The following PPM1H variants were observed in gnomAD, a reference collection of about 807,000 sequenced individuals.
PPM1H encodes the protein protein phosphatase 1H.
Under a neutral mutation model 54.9 loss-of-function variants are expected in PPM1H, and 27 were observed. The observed-to-expected ratio is 0.49, with a 90% CI of 0.36 to 0.68. The LOEUF is 0.68. Ranked by LOEUF, PPM1H falls within the 30% of genes least tolerant of loss-of-function variation. The pLI, the probability that PPM1H is intolerant of heterozygous loss-of-function variation, is 0.00. For missense variants in PPM1H, 596 were observed against 667.8 expected, an observed-to-expected ratio of 0.89 and a Z score of 1.19; for synonymous variants, 305 against 270.8, an observed-to-expected ratio of 1.13 and a Z score of -1.24.
At position 62,832,146 on chromosome 12, in the gene PPM1H, T is replaced by TGGGAAGGGAGGACCGTCTATG. The variant is rs750897677; in HGVS notation, c.378_379insCATAGACGGTCCTCCCTTCCC (p.Pro126_Asn127insHisArgArgSerSerLeuPro). ...TCCTTCAGCTGCAGCCCTTCCCCATTGGGAAGGGAGGACCGTCTCTTGGAT... is the reference window on the plus strand; with the variant it reads ...TCCTTCAGCTGCAGCCCTTCCCCATTGGGAAGGGAGGACCGTCTATGGGGAAGGGAGGACCGTCTCTTGGAT... On this transcript the variant is annotated inframe_insertion, in exon 2 of 10. Coordinates refer to ENST00000228705, the MANE Select transcript of PPM1H (RefSeq NM_020700.2). 9 of 1,613,460 alleles carry TGGGAAGGGAGGACCGTCTATG rather than the reference T, an allele frequency of 5.6e-6. No homozygotes were observed. The highest frequency in any genetic ancestry group is 7.6e-6 in the Non-Finnish European group (9 of 1,179,580).
chr12:62,852,228 CAAAAA>C lies in PPM1H; in HGVS notation c.246-19954_246-19950del, dbSNP rs59673617. Among the ~76,000 whole-genome samples, 94 of 60,404 alleles carry C rather than the reference CAAAAA, an allele frequency of 1.6e-3. 1 individual carries two copies. The highest frequency in any genetic ancestry group is 5.4e-3 in the African/African-American group (89 of 16,522). The allele number at this position is 60,404 out of a possible 152,430, so 39.6% of individuals were successfully genotyped here. A position where few individuals can be genotyped will look rare whatever the true frequency, so the allele number is the denominator to read the frequency against. ...TGGGTGACAGAGCGAGACTCTGTCT[CAAAAA>C]AAAAAAAAAAAAAAAAAAGAGATGG... On this transcript the variant is annotated intron_variant, in intron 1 of 9. Coordinates refer to ENST00000228705, the MANE Select transcript of PPM1H (RefSeq NM_020700.2).
At chr12:62,848,982 T>C (rs1026720120) in intron 1 of PPM1H, among the ~76,000 whole-genome samples, 2 of 151,990 alleles carry the variant, frequency 1.3e-5, no homozygotes, top group Non-Finnish European at 2.9e-5. Context: ...GGCAGGTCAT[T>C]AGCTGCAGGG....
chr12:62,675,246 A>G (rs887536748), intron 8 of PPM1H, among the ~76,000 whole-genome samples: 9 of 152,240 alleles, frequency 5.9e-5, no homozygotes, highest in Non-Finnish European at 1.0e-4. Context: ...TTTCTAAACC[A>G]GCTAAAATAT....
At position 62,720,121 on chromosome 12, in the gene PPM1H, T is replaced by A. The variant is rs201033671; in HGVS notation, c.1073+50A>T. On this transcript the variant is annotated intron_variant, in intron 6 of 9. Transcript: ENST00000228705. Reference sequence around the variant, plus strand: ...ACTGGCTGTTTATGGTGGTGATGCTTCCTTCACACACACTGTGTGGTTCCG... The same window carrying A: ...ACTGGCTGTTTATGGTGGTGATGCTACCTTCACACACACTGTGTGGTTCCG... 306 of 1,445,366 alleles carry A rather than the reference T, an allele frequency of 2.1e-4. 1 individual carries two copies. In the African/African-American group the frequency reaches 4.1e-3, roughly 19 times the overall value. 89.5% of individuals were successfully genotyped at this position (1,445,366 alleles called of 1,614,324 possible).
At chr12:62,886,677 A>G (rs1180617532) in intron 1 of PPM1H, among the ~76,000 whole-genome samples, 1 of 152,248 alleles carries the variant, frequency 6.6e-6, no homozygotes, top group Non-Finnish European at 1.5e-5. Flanking sequence ...TTTCATTATC[A>G]GAAGTGACAA....
At chr12:62,921,313 G>A (rs1436781893) in intron 1 of PPM1H, among the ~76,000 whole-genome samples, 1 of 152,046 alleles carries the variant, frequency 6.6e-6, no homozygotes, top group Non-Finnish European at 1.5e-5. Flanking sequence ...GGGTAAAGAT[G>A]CACCATTTTT....
At chr12:62,705,962 C>T (rs941134467) in intron 6 of PPM1H, among the ~76,000 whole-genome samples, 15 of 152,328 alleles carry the variant, frequency 9.8e-5, no homozygotes, top group African/African-American at 3.6e-4. Context: ...TCCTCTGTGT[C>T]GGCCCTTGCG....
chr12:62,814,578 G>T (rs946100622), intron 2 of PPM1H, among the ~76,000 whole-genome samples: 1 of 152,134 alleles, frequency 6.6e-6, no homozygotes, highest in Non-Finnish European at 1.5e-5. Context: ...TTGTCTGAAG[G>T]GAAAAAGTGG....
intron 9 of PPM1H, among the ~76,000 whole-genome samples, chr12:62,663,128 C>T (rs780672761): frequency 2.6e-4 from 39 of 152,112 alleles, no homozygotes; most frequent in Non-Finnish European, 5.3e-4. Context: ...CCACTGGACA[C>T]GCAAGTTACT....
At chr12:62,877,740 C>A (rs1368013942) in intron 1 of PPM1H, among the ~76,000 whole-genome samples, 2 of 152,146 alleles carry the variant, frequency 1.3e-5, no homozygotes, top group Non-Finnish European at 2.9e-5. Flanking sequence ...TGATTCACAT[C>A]CACATTTGCT....
chr12:62,657,870 G>A (rs2075853974), intron 9 of PPM1H, among the ~76,000 whole-genome samples: 1 of 152,086 alleles, frequency 6.6e-6, no homozygotes, highest in African/African-American at 2.4e-5. Flanking sequence ...ACAGCTATCT[G>A]AGCCAAGGAG....
At chr12:62,773,800 G>T (rs1160481331) in intron 4 of PPM1H, among the ~76,000 whole-genome samples, 1 of 152,176 alleles carries the variant, frequency 6.6e-6, no homozygotes, top group Admixed American at 6.5e-5. Flanking sequence ...GGAGCAGGGT[G>T]GGGGCTTCCT....
intron 4 of PPM1H, among the ~76,000 whole-genome samples, chr12:62,774,542 A>T (rs567046020): frequency 6.6e-6 from 1 of 152,160 alleles, no homozygotes; most frequent in East Asian, 1.9e-4. Context: ...GGATCTCATC[A>T]TGTTGCCCAG....
At chr12:62,696,533 A>G (rs149364788) in intron 6 of PPM1H, among the ~76,000 whole-genome samples, 47 of 152,344 alleles carry the variant, frequency 3.1e-4, no homozygotes, top group South Asian at 2.3e-3. Flanking sequence ...AGATCATCAT[A>G]TAAAGTTAAG....
In PPM1H at chr12:62,801,802, C is replaced by T; in HGVS notation, c.756+14G>A. On this transcript the variant is annotated intron_variant, in intron 3 of 9. Transcript: ENST00000228705. The stretch of plus-strand genomic sequence containing the variant: ...AGCCTGGCCCTGCTGCCCCAGACTC[C>T]CAGGAATACCTACCATTTCCTTGAA... The T allele has an allele frequency of 6.2e-7, 1 of 1,613,234 alleles. No individual in the cohort carries two copies. Among genetic ancestry groups the T allele is most frequent in the Non-Finnish European group, 8.5e-7 (1 of 1,179,370 alleles).
rs1379165525 is a variant in PPM1H, at chr12:62,934,852, T to C, written c.-116A>G. 5.6e-6 allele frequency: 6 copies of C among 1,066,834 alleles called. No homozygotes were observed. Among genetic ancestry groups the C allele is most frequent in the Non-Finnish European group, 7.2e-6 (6 of 838,038 alleles). 66.1% of individuals were successfully genotyped at this position (1,066,834 alleles called of 1,614,324 possible). A position where few individuals can be genotyped will look rare whatever the true frequency, so the allele number is the denominator to read the frequency against. On this transcript the variant is annotated 5_prime_UTR_variant, in exon 1 of 10. Transcript: ENST00000228705. This position sits in a 1 kb window ranked among gnomAD's most constrained non-coding sequence, Gnocchi z 4.2. Reference sequence around the variant, plus strand: ...CCGGGCGCACGGCGAGTCGGGCCACTGGGACGCGCCGCGCGCGGCTCCCAG... The same window carrying C: ...CCGGGCGCACGGCGAGTCGGGCCACCGGGACGCGCCGCGCGCGGCTCCCAG...
intron 9 of PPM1H, among the ~76,000 whole-genome samples, chr12:62,659,990 C>T (rs1031317788): frequency 2.0e-5 from 3 of 152,192 alleles, no homozygotes; most frequent in African/African-American, 7.2e-5. Flanking sequence ...TAGTCCCAGG[C>T]TACATATGGA....
At chr12:62,885,989 G>T (rs1416199113) in intron 1 of PPM1H, among the ~76,000 whole-genome samples, 1 of 152,182 alleles carries the variant, frequency 6.6e-6, no homozygotes, top group Non-Finnish European at 1.5e-5. Context: ...ACACCACAGT[G>T]CTACTGCTTT....
At chr12:62,908,215 G>T (rs1871357097) in intron 1 of PPM1H, among the ~76,000 whole-genome samples, 1 of 151,992 alleles carries the variant, frequency 6.6e-6, no homozygotes, top group African/African-American at 2.4e-5. Flanking sequence ...AGGAGTTCGA[G>T]ACCAGCCATG....
Sources: gnomAD v4.1 joint callset for allele counts (sites outside exome capture counted in the v4.1 genomes callset) on GRCh38, gnomAD v4.1.1 for gene constraint, Gnocchi (gnomAD v3.1) non-coding constraint, MANE v1.5 for transcripts, NCBI Gene and HGNC (gene_info 2026-07-23, HGNC 2026-07-21) for gene names.